Variants in NUMB observed in about 807,000 individuals in gnomAD.
NUMB encodes the protein NUMB endocytic adaptor protein, also known as protein numb homolog.
NUMB carries 29 observed loss-of-function variants against 59.7 expected under a neutral mutation model. The observed-to-expected ratio is 0.49, with a 90% confidence interval of 0.36 to 0.66. NUMB has a LOEUF of 0.66. Among genes scored for constraint, NUMB ranks in the 30% least tolerant of loss-of-function variants. The probability of loss-of-function intolerance (pLI) is 0.00; values close to 1 mark genes in which losing one functional copy is unlikely to be tolerated. For missense variants in NUMB, 723 were observed against 822.0 expected (o/e 0.88, Z 1.47); for synonymous variants, 288 against 288.2 (o/e 1.00, Z 0.01).
At chr14:73,441,112 T>C (rs1360934662) in intron 1 of NUMB, among the ~76,000 whole-genome samples, 1 of 151,922 alleles carries the variant, frequency 6.6e-6, no homozygotes, top group East Asian at 1.9e-4. Flanking sequence ...TACAACTCAA[T>C]AATAAAAAGA....
At chr14:73,448,727 A>C (rs551390417) in intron 1 of NUMB, among the ~76,000 whole-genome samples, 105 of 152,316 alleles carry the variant, frequency 6.9e-4, no homozygotes, top group African/African-American at 2.4e-3. Flanking sequence ...TTTTAATAAC[A>C]AAATCAGTAA....
intron 3 of NUMB, among the ~76,000 whole-genome samples, chr14:73,362,561 G>A (rs568496662): frequency 2.5e-4 from 38 of 152,116 alleles, no homozygotes; most frequent in Middle Eastern, 3.4e-3. Context: ...TCCCACTTCA[G>A]CCTCCCAAGT....
chr14:73,348,725 G>A (rs1893039531), intron 4 of NUMB, among the ~76,000 whole-genome samples: 1 of 152,190 alleles, frequency 6.6e-6, no homozygotes, highest in Admixed American at 6.5e-5. Context: ...CAAAAAGGCT[G>A]GGGACCACTG....
intron 6 of NUMB, among the ~76,000 whole-genome samples, chr14:73,307,511 G>C (rs567815162): frequency 6.6e-6 from 1 of 152,192 alleles, no homozygotes; most frequent in African/African-American, 2.4e-5. Context: ...CAAAGGCCCT[G>C]AGGTGAAAGC....
Position 73,278,275 on chromosome 14 carries a change from A to G in NUMB, c.1241-982T>C, listed in dbSNP as rs570470672. Among the ~76,000 whole-genome samples, 13 of 152,134 alleles carry G rather than the reference A, an allele frequency of 8.5e-5. No homozygotes were observed. In the South Asian group the frequency reaches 2.7e-3, roughly 32 times the overall value. On this transcript the variant is annotated intron_variant, in intron 12 of 12. Transcript: ENST00000555238. ...GGTGGCTCACACCTGTAATCCCGGC[A>G]CTTTTGGAGGCCAAGGCGGGTGGAT...
intron 6 of NUMB, among the ~76,000 whole-genome samples, chr14:73,304,056 T>G (rs1008635205): frequency 3.9e-5 from 6 of 152,148 alleles, no homozygotes; most frequent in African/African-American, 1.4e-4. Context: ...ATACAGTGGA[T>G]CTATTACAAA....
At chr14:73,326,499 C>T (rs1210150993) in intron 4 of NUMB, among the ~76,000 whole-genome samples, 2 of 151,844 alleles carry the variant, frequency 1.3e-5, no homozygotes, top group African/African-American at 4.8e-5. Context: ...TGGTGGCAGG[C>T]GCCTGTAATT....
intron 6 of NUMB, among the ~76,000 whole-genome samples, chr14:73,309,447 C>A (rs1890646896): frequency 6.6e-6 from 1 of 152,072 alleles, no homozygotes; most frequent in Non-Finnish European, 1.5e-5. Context: ...TGGAAACCAT[C>A]ATTCTCAGCA....
intron 1 of NUMB, among the ~76,000 whole-genome samples, chr14:73,443,382 G>A (rs1027290708): frequency 2.0e-5 from 3 of 151,818 alleles, no homozygotes; most frequent in African/African-American, 7.3e-5. Context: ...GATCACTTGA[G>A]GTCAGGAGTT....
At chr14:73,320,868 TAA>T (rs759154583) in intron 5 of NUMB, among the ~76,000 whole-genome samples, 10 of 143,458 alleles carry the variant, frequency 7.0e-5, no homozygotes, top group Admixed American at 7.0e-5. Context: ...CTTCTTGGTT[TAA>T]AAAAAAAAAA....
At chr14:73,277,887 G>A (rs141860910) in intron 12 of NUMB, among the ~76,000 whole-genome samples, 9 of 150,898 alleles carry the variant, frequency 6.0e-5, no homozygotes, top group African/African-American at 1.7e-4. Flanking sequence ...GTGAAACCCC[G>A]TCTCTACTAA....
intron 4 of NUMB, among the ~76,000 whole-genome samples, chr14:73,350,783 C>A (rs1488102402): frequency 6.6e-6 from 1 of 151,616 alleles, no homozygotes; most frequent in African/African-American, 2.4e-5. Context: ...CCCACCTTGG[C>A]CTCCCAAAGT....
At chr14:73,367,348 T>TATATATATAGAGAGAG (rs1555375287) in intron 2 of NUMB, among the ~76,000 whole-genome samples, 125 of 105,186 alleles carry the variant, frequency 1.2e-3, no homozygotes, top group African/African-American at 4.1e-3. Flanking sequence ...TATATATATA[T>TATATATATAGAGAGAG]AGAGAGAGAG....
At chr14:73,391,086 G>A (rs1012545947) in intron 2 of NUMB, among the ~76,000 whole-genome samples, 5 of 151,552 alleles carry the variant, frequency 3.3e-5, no homozygotes, top group Non-Finnish European at 7.4e-5. Flanking sequence ...CTCTTTTTCT[G>A]CTATATTAGA....
intron 7 of NUMB, among the ~76,000 whole-genome samples, chr14:73,296,933 C>T (rs148280750): frequency 0.044 from 6,742 of 151,730 alleles, 242 homozygotes; most frequent in Non-Finnish European, 0.074. Flanking sequence ...TTTGGGAGGC[C>T]GAGGTGGGCG....
chr14:73,406,075 A>G (rs1347407046), intron 2 of NUMB, among the ~76,000 whole-genome samples: 2 of 140,736 alleles, frequency 1.4e-5, no homozygotes, highest in Non-Finnish European at 3.0e-5. Context: ...TTCTCCACAG[A>G]ATATTAACAT....
At position 73,389,272 on chromosome 14, in the gene NUMB, C is replaced by CAAAAAA. The variant is rs869074049; in HGVS notation, c.-101+20659_-101+20664dup. ...GGTTACAGAGCGAGACTCCATCTCT[C>CAAAAAA]AAAAAAAAAAAAAAAAAAAAACAAA... On this transcript the variant is annotated intron_variant, in intron 2 of 12. Transcript: ENST00000555238. Among the ~76,000 whole-genome samples the CAAAAAA allele has an allele frequency of 5.4e-3, 359 of 66,172 alleles. 4 individuals are homozygous for CAAAAAA. Among genetic ancestry groups the CAAAAAA allele is most frequent in the African/African-American group, 0.013 (217 of 17,094 alleles). The allele number at this position is 66,172 out of a possible 152,430, so 43.4% of individuals were successfully genotyped here.
chr14:73,405,645 A>G (rs1896623991), intron 2 of NUMB, among the ~76,000 whole-genome samples: 1 of 151,988 alleles, frequency 6.6e-6, no homozygotes, highest in African/African-American at 2.4e-5. Flanking sequence ...TCCCCAGGTC[A>G]TCCATGGTGG....
rs74061099 is a variant in NUMB, at chr14:73,299,839, A to T, written c.235-2554T>A. Among the ~76,000 whole-genome samples, 609 of 152,296 alleles carry T rather than the reference A, an allele frequency of 4.0e-3. 4 individuals carry two copies. Among genetic ancestry groups the T allele is most frequent in the African/African-American group, 0.014 (584 of 41,560 alleles). ...AAGTCTGTAAGAATTGTGATAAACTAGCATGTTATACTTGAAATAGAATGG... is the reference window on the plus strand; with the variant it reads ...AAGTCTGTAAGAATTGTGATAAACTTGCATGTTATACTTGAAATAGAATGG... On this transcript the variant is annotated intron_variant, in intron 6 of 12. Coordinates refer to ENST00000555238, the MANE Select transcript of NUMB (RefSeq NM_001005743.2).
Sources: gnomAD v4.1 joint callset for allele counts (sites outside exome capture counted in the v4.1 genomes callset) on GRCh38, gnomAD v4.1.1 for gene constraint, MANE v1.5 for transcripts, NCBI Gene and HGNC (gene_info 2026-07-23, HGNC 2026-07-21) for gene names.